Variants in AXDND1 observed in about 807,000 individuals in gnomAD.
The protein encoded by AXDND1 is axonemal dynein light chain domain-containing protein 1.
Under a neutral mutation model 137.5 loss-of-function variants are expected in AXDND1, and 110 were observed. The ratio of observed to expected loss-of-function variants is 0.80; its 90% confidence interval spans 0.69 to 0.94. The LOEUF is 0.94. Among genes scored for constraint, AXDND1 ranks in the 40% least tolerant of loss-of-function variants. The pLI is 0.00. For missense variants in AXDND1, 1,191 were observed against 1,169.8 expected (o/e 1.02, Z -0.26); for synonymous variants, 414 against 399.7 (o/e 1.04, Z -0.43).
At chr1:179,500,337 ATGTGTGTGTGTG>A (rs57654195) in intron 20 of AXDND1, among the ~76,000 whole-genome samples, 21 of 133,886 alleles carry the variant, frequency 1.6e-4, no homozygotes, top group Admixed American at 3.0e-4. Context: ...AGGGTACATT[ATGTGTGTGTGTG>A]TGTGTGTGTG....
intron 16 of AXDND1, among the ~76,000 whole-genome samples, chr1:179,465,618 G>A (rs1341235152): frequency 6.6e-6 from 1 of 152,058 alleles, no homozygotes; most frequent in Non-Finnish European, 1.5e-5. Flanking sequence ...CTCAAACTCT[G>A]TGCTGGGAGA....
At chr1:179,503,590 C>T (rs1387165013) in intron 20 of AXDND1, among the ~76,000 whole-genome samples, 2 of 151,516 alleles carry the variant, frequency 1.3e-5, no homozygotes, top group Non-Finnish European at 2.9e-5. Flanking sequence ...TTTTAGGGTA[C>T]ATGGGCACAA....
At chr1:179,382,889 T>C (rs1488075256) in intron 7 of AXDND1, 133 bp downstream of exon 7, 2 of 576,516 alleles carry the variant, frequency 3.5e-6, no homozygotes, top group Non-Finnish European at 5.9e-6. Flanking sequence ...TACAAGTTCA[T>C]CATCTAATCA....
chr1:179,423,910 A>G (rs1351821889), intron 12 of AXDND1, among the ~76,000 whole-genome samples: 8 of 152,068 alleles, frequency 5.3e-5, no homozygotes, highest in South Asian at 2.1e-4. Flanking sequence ...AGCATATTCT[A>G]TATTTGTCTG....
At chr1:179,393,024 T>C (rs1429757866) in intron 9 of AXDND1, among the ~76,000 whole-genome samples, 1 of 152,250 alleles carries the variant, frequency 6.6e-6, no homozygotes, top group Non-Finnish European at 1.5e-5. Context: ...GCTTTTGGGT[T>C]CTTGGTCATG....
chr1:179,506,096 G>C (rs1228587527), intron 20 of AXDND1, among the ~76,000 whole-genome samples: 1 of 152,078 alleles, frequency 6.6e-6, no homozygotes, highest in Non-Finnish European at 1.5e-5. Context: ...CTGCAGCCTA[G>C]AACAGCTACT....
At chr1:179,427,953 T>TAAAAAAAAAA (rs10548259) in intron 12 of AXDND1, among the ~76,000 whole-genome samples, 1 of 144,090 alleles carries the variant, frequency 6.9e-6, no homozygotes, top group Non-Finnish European at 1.5e-5. Context: ...GCAATCCATG[T>TAAAAAAAAAA]AAAAAAAAAA....
chr1:179,537,730 CT>C (rs567189295), intron 25 of AXDND1, among the ~76,000 whole-genome samples: 1 of 151,922 alleles, frequency 6.6e-6, no homozygotes, highest in African/African-American at 2.4e-5. Flanking sequence ...GCAGGATTCC[CT>C]TTTTTTTATT....
intron 18 of AXDND1, among the ~76,000 whole-genome samples, chr1:179,487,545 A>G (rs1166062044): frequency 6.7e-6 from 1 of 148,570 alleles, no homozygotes; most frequent in Non-Finnish European, 1.5e-5. Context: ...TGCAGATTAA[A>G]CTTGTGATTA....
intron 18 of AXDND1, among the ~76,000 whole-genome samples, chr1:179,488,652 TTTCTTTCTTTC>T (rs1666430936): frequency 8.6e-5 from 10 of 116,484 alleles, no homozygotes; most frequent in Non-Finnish European, 1.4e-4. Context: ...TCTTTCTTTC[TTTCTTTCTTTC>T]TTTCTTTCTT....
At chr1:179,379,984 T>C (rs1647975881) in intron 6 of AXDND1, among the ~76,000 whole-genome samples, 1 of 151,366 alleles carries the variant, frequency 6.6e-6, no homozygotes, top group African/African-American at 2.4e-5. Context: ...GCGCGGTGGC[T>C]CACGCCTGTA....
intron 12 of AXDND1, among the ~76,000 whole-genome samples, chr1:179,422,059 A>C (rs534120307): frequency 0.011 from 1,662 of 151,928 alleles, 47 homozygotes; most frequent in African/African-American, 0.038. Context: ...AAAAAAAAAA[A>C]AAACAGCAGC....
intron 25 of AXDND1, among the ~76,000 whole-genome samples, chr1:179,549,088 G>A (rs531339825): frequency 1.4e-4 from 22 of 151,988 alleles, no homozygotes; most frequent in African/African-American, 4.1e-4. Flanking sequence ...CTGTTTATCA[G>A]CTTATTGCCA....
chr1:179,554,606 T>C lies in AXDND1; in HGVS notation c.*87T>C. The C allele has an allele frequency of 6.3e-7, 1 of 1,594,342 alleles. No individual in the cohort carries two copies. Among genetic ancestry groups the C allele is most frequent in the Non-Finnish European group, 8.6e-7 (1 of 1,162,112 alleles). Reference sequence around the variant, plus strand: ...GAGCATGCCTAAACCCTGGTGGCCATTGTTCTGTACTAAGGAACAACATTC... The same window carrying C: ...GAGCATGCCTAAACCCTGGTGGCCACTGTTCTGTACTAAGGAACAACATTC... On this transcript the variant is annotated 3_prime_UTR_variant, in exon 26 of 26. Coordinates refer to ENST00000367618, the MANE Select transcript of AXDND1 (RefSeq NM_144696.6).
intron 12 of AXDND1, among the ~76,000 whole-genome samples, chr1:179,417,734 A>C (rs1654917143): frequency 6.6e-6 from 1 of 152,090 alleles, no homozygotes; most frequent in Admixed American, 6.6e-5. Context: ...GGATTTAAAA[A>C]AAAAATTCTG....
chr1:179,494,445 CTTA>C (rs1357052974), intron 20 of AXDND1, among the ~76,000 whole-genome samples: 1 of 151,084 alleles, frequency 6.6e-6, no homozygotes, highest in Non-Finnish European at 1.5e-5. Context: ...TGTTTGTTTC[CTTA>C]TTATTGAGTT....
At chr1:179,366,730 C>T in intron 2 of AXDND1, 124 bp downstream of exon 2, 1 of 774,224 alleles carries the variant, frequency 1.3e-6, no homozygotes. Context: ...TTCTAACACA[C>T]TTGCTTAAAT....
At chr1:179,379,944 A>G (rs183846167) in intron 6 of AXDND1, among the ~76,000 whole-genome samples, 1 of 152,084 alleles carries the variant, frequency 6.6e-6, no homozygotes, top group Admixed American at 6.6e-5. Context: ...AGCCATCCTA[A>G]TACAATTAAG....
chr1:179,375,837 G>T (rs1163228888), intron 4 of AXDND1, among the ~76,000 whole-genome samples: 1 of 152,120 alleles, frequency 6.6e-6, no homozygotes, highest in African/African-American at 2.4e-5. Flanking sequence ...TTTTTCCCCT[G>T]TACATATCCA....
Sources: allele counts gnomAD v4.1 joint callset (sites outside exome capture counted in the v4.1 genomes callset), GRCh38; gene constraint gnomAD v4.1.1; transcripts MANE v1.5; gene names NCBI Gene and HGNC (gene_info 2026-07-23, HGNC 2026-07-21).